The following TBL1Y variants were observed in gnomAD, a reference collection of about 807,000 sequenced individuals.
The protein encoded by TBL1Y is F-box-like/WD repeat-containing protein TBL1Y.
Under a neutral mutation model 12.0 loss-of-function variants are expected in TBL1Y, and 15 were observed. The ratio of observed to expected loss-of-function variants is 1.25; its 90% CI spans 0.83 to 1.92. The LOEUF is 1.92. Among genes scored for constraint, TBL1Y ranks in the 40% most tolerant of loss-of-function variants. The pLI, the probability that TBL1Y is intolerant of heterozygous loss-of-function variation, is 0.00. For missense variants in TBL1Y, 148 were observed against 116.7 expected, an observed-to-expected ratio of 1.27 and a Z score of -1.24; for synonymous variants, 53 against 42.6, an observed-to-expected ratio of 1.24 and a Z score of -0.95.
intron 4 of TBL1Y, among the ~76,000 whole-genome samples, chrY:7,018,330 A>G (rs2012564973): frequency 6.1e-5 from 2 of 32,810 alleles, no homozygotes. Context: ...TTTATCAAGT[A>G]TGTGTTATGT....
intron 2 of TBL1Y, among the ~76,000 whole-genome samples, chrY:6,941,295 C>A (rs2124104602): frequency 3.1e-5 from 1 of 32,622 alleles, no homozygotes; most frequent in South Asian, 7.0e-4. Flanking sequence ...CACAGGTGGG[C>A]AGATCACCTG....
chrY:7,034,173 C>T (rs754354219), intron 6 of TBL1Y, among the ~76,000 whole-genome samples: 5 of 33,143 alleles, frequency 1.5e-4, no homozygotes, highest in Middle Eastern at 0.014. Context: ...TACAAGCATT[C>T]CTATACATCA....
At chrY:6,939,046 A>G in intron 2 of TBL1Y, among the ~76,000 whole-genome samples, 3 of 34,249 alleles carry the variant, frequency 8.8e-5, no homozygotes, top group Non-Finnish European at 2.2e-4. Context: ...ACAGCATGGA[A>G]GGGGACCCAA....
intron 8 of TBL1Y, among the ~76,000 whole-genome samples, chrY:7,065,731 G>A: frequency 2.9e-5 from 1 of 33,917 alleles, no homozygotes; most frequent in Non-Finnish European, 7.3e-5. Context: ...AACCAAGTTG[G>A]CCAGTTGCAG....
intron 3 of TBL1Y, among the ~76,000 whole-genome samples, chrY:6,992,654 G>A: frequency 3.0e-5 from 1 of 33,653 alleles, no homozygotes; most frequent in Non-Finnish European, 7.3e-5. Context: ...ACTTGGTGGA[G>A]GAGGGTCTCT....
At chrY:6,912,285 A>G (rs2011701055) in intron 2 of TBL1Y, 113 bp downstream of exon 2, 1 of 34,239 alleles carries the variant, frequency 2.9e-5, no homozygotes, top group Non-Finnish European at 7.3e-5. Flanking sequence ...TATTTTAAAG[A>G]GTAATCATGT....
chrY:6,966,848 TC>T (rs2124120250), intron 2 of TBL1Y, among the ~76,000 whole-genome samples: 1 of 33,402 alleles, frequency 3.0e-5, no homozygotes, highest in Non-Finnish European at 7.4e-5. Flanking sequence ...TCTCTCTCTC[TC>T]TCTCTCTTTT....
chrY:7,007,231 G>C (rs895212471), intron 4 of TBL1Y, among the ~76,000 whole-genome samples: 15 of 33,077 alleles, frequency 4.5e-4, no homozygotes, highest in African/African-American at 1.8e-3. Flanking sequence ...ATTTAAGAAG[G>C]CTACAGATAA....
In TBL1Y at chrY:7,064,109, G is replaced by C. The variant is rs1314494428; in HGVS notation, c.417G>C (p.Glu139Asp). 1.0e-5 allele frequency: 4 copies of C among 398,647 alleles called. No individual in the cohort carries two copies. The highest frequency in any genetic ancestry group is 9.2e-5 in the East Asian group (1 of 10,840). The change falls in exon 8 of 19, where the codon GAG (glutamate) becomes GAC (aspartate). Residue 139 changes from glutamate (E) to aspartate (D), a missense_variant. Transcript: ENST00000383032. Reference sequence around the variant, plus strand: ...AGCAAAATCCTCCAAAGAACCGAGAGGCCACAGTGAACGGGGAAGAGAATG... The same window carrying C: ...AGCAAAATCCTCCAAAGAACCGAGACGCCACAGTGAACGGGGAAGAGAATG... ...ISQQNPPKNR[E>D]ATVNGEENGA...
intron 4 of TBL1Y, among the ~76,000 whole-genome samples, chrY:6,998,470 G>A: frequency 3.1e-5 from 1 of 32,396 alleles, no homozygotes; most frequent in Admixed American, 2.9e-4. Flanking sequence ...GCGTGATAGT[G>A]TATTGCTGTA....
At chrY:7,020,215 A>G (rs2012574307) in intron 4 of TBL1Y, among the ~76,000 whole-genome samples, 2 of 33,277 alleles carry the variant, frequency 6.0e-5, no homozygotes, top group Non-Finnish European at 1.5e-4. Context: ...ATCACTTAAG[A>G]CTATTTAGAG....
At chrY:7,047,960 C>T in intron 7 of TBL1Y, among the ~76,000 whole-genome samples, 1 of 31,017 alleles carries the variant, frequency 3.2e-5, no homozygotes, top group South Asian at 7.7e-4. Context: ...GGGGTTTCAC[C>T]GTGTTAGCCA....
At position 7,024,164 on chromosome Y, in the gene TBL1Y, G is replaced by A. The variant is rs2012603531; in HGVS notation, c.-50-871G>A. Among the ~76,000 whole-genome samples the A allele has an allele frequency of 1.2e-4, 4 of 33,622 alleles. No individual in the cohort carries two copies. In the South Asian group the frequency reaches 2.1e-3, roughly 17 times the overall value. 90.2% of individuals were successfully genotyped at this position (33,622 alleles called of 37,273 possible). A position where few individuals can be genotyped will look rare whatever the true frequency, so the allele number is the denominator to read the frequency against. ...CAGTCTATCATTGATGGGAATTTGCGTTGGTTCCAAGGCTTTGCTGTTGTG... is the reference window on the plus strand; with the variant it reads ...CAGTCTATCATTGATGGGAATTTGCATTGGTTCCAAGGCTTTGCTGTTGTG... On this transcript the variant is annotated intron_variant, in intron 5 of 18. Coordinates refer to ENST00000383032, the MANE Select transcript of TBL1Y (RefSeq NM_033284.2).
intron 3 of TBL1Y, among the ~76,000 whole-genome samples, chrY:6,985,783 C>T (rs2012312965): frequency 6.2e-5 from 2 of 32,042 alleles, no homozygotes; most frequent in Non-Finnish European, 1.5e-4. Context: ...CTTGGTGCCC[C>T]CTTCATGGGT....
Position 7,090,065 on chromosome Y carries a change from ATAGT to A in TBL1Y, c.1447-17_1447-14del. On this transcript the variant is annotated intron_variant, in intron 17 of 18. Coordinates refer to ENST00000383032, the MANE Select transcript of TBL1Y (RefSeq NM_033284.2). ...GCAGGTGCCCTTCTCACTATAAGTA[ATAGT>A]TAGTTACCTTGCCTTGCAGAGTGGA... 5.3e-6 allele frequency: 2 copies of A among 377,296 alleles called. No individual in the cohort carries two copies. Among genetic ancestry groups the A allele is most frequent in the African/African-American group, 6.2e-5 (1 of 16,026 alleles). The allele number at this position is 377,296 out of a possible 400,897, so 94.1% of individuals were successfully genotyped here. A position where few individuals can be genotyped will look rare whatever the true frequency, so the allele number is the denominator to read the frequency against.
chrY:6,986,945 G>T, intron 3 of TBL1Y, among the ~76,000 whole-genome samples: 1 of 33,150 alleles, frequency 3.0e-5, no homozygotes, highest in Middle Eastern at 0.014. Context: ...GCCCACAGTT[G>T]GGCGAAATCA....
chrY:6,958,816 C>A, intron 2 of TBL1Y, among the ~76,000 whole-genome samples: 1 of 34,098 alleles, frequency 2.9e-5, no homozygotes, highest in African/African-American at 1.1e-4. Context: ...CACCTCCTAC[C>A]ATAGGGCGGT....
intron 2 of TBL1Y, among the ~76,000 whole-genome samples, chrY:6,934,174 C>T (rs2011886299): frequency 3.0e-5 from 1 of 33,076 alleles, no homozygotes; most frequent in African/African-American, 1.2e-4. Flanking sequence ...AAACCATGAC[C>T]GTCCCTTGGC....
chrY:7,064,617 A>G, intron 8 of TBL1Y, among the ~76,000 whole-genome samples: 2 of 33,606 alleles, frequency 6.0e-5, no homozygotes, highest in Admixed American at 2.7e-4. Context: ...CTGTTAGGTA[A>G]TTGCCAGCAA....
Sources: gnomAD v4.1 joint callset for allele counts (sites outside exome capture counted in the v4.1 genomes callset) on GRCh38, gnomAD v4.1.1 for gene constraint, MANE v1.5 for transcripts, NCBI Gene and HGNC (gene_info 2026-07-23, HGNC 2026-07-21) for gene names.